Variants in RCSD1 observed in about 807,000 individuals in gnomAD.
RCSD1 encodes the protein RCSD domain containing 1.
RCSD1 carries 26 observed loss-of-function variants against 42.5 expected under a neutral mutation model. That is an observed-to-expected ratio of 0.61 (90% CI 0.45 to 0.85). The LOEUF (loss-of-function observed/expected upper bound fraction) is 0.85. RCSD1 is among the 40% of genes least tolerant of loss of function. The pLI is 0.00. For missense variants in RCSD1, 571 were observed against 528.3 expected (o/e 1.08, Z -0.79); for synonymous variants, 220 against 212.2 (o/e 1.04, Z -0.32).
intron 1 of RCSD1, among the ~76,000 whole-genome samples, chr1:167,632,695 GTA>G (rs371787577): frequency 0.76 from 115,192 of 151,282 alleles, 44,260 homozygotes; most frequent in East Asian, 0.83. Context: ...CTCACATCCA[GTA>G]GGTCACTAAG....
At chr1:167,660,346 C>A (rs1321716065) in intron 1 of RCSD1, among the ~76,000 whole-genome samples, 2 of 152,176 alleles carry the variant, frequency 1.3e-5, no homozygotes, top group Non-Finnish European at 2.9e-5. Flanking sequence ...CCCATCCTTA[C>A]CCCATCACTT....
At position 167,650,390 on chromosome 1, in the gene RCSD1, G is replaced by A. The variant is rs987645244; in HGVS notation, c.6+19961G>A. On this transcript the variant is annotated intron_variant, in intron 1 of 6. Transcript: ENST00000367854. ...CCTCCTCTTCTTGTGGCTTCCCTTT[G>A]AAGCTCTGAGCAGCTGTTACAGATG... Among the ~76,000 whole-genome samples the A allele has an allele frequency of 5.9e-5, 9 of 152,144 alleles. No homozygotes were observed. The East Asian group carries it at 1.7e-3, about 29-fold the overall frequency.
chr1:167,698,802 TTTTTGTTTTTG>T (rs1325210423), intron 6 of RCSD1, among the ~76,000 whole-genome samples: 1 of 148,916 alleles, frequency 6.7e-6, no homozygotes, highest in African/African-American at 2.5e-5. Context: ...TTTGTTTTTG[TTTTTGTTTTTG>T]TTTTGAGAAG....
chr1:167,700,399 A>T (rs1393583281), intron 6 of RCSD1, among the ~76,000 whole-genome samples: 1 of 152,178 alleles, frequency 6.6e-6, no homozygotes, highest in Non-Finnish European at 1.5e-5. Context: ...CTGTAATCCC[A>T]GCACTTTGGG....
At position 167,707,845 on chromosome 1, in the gene RCSD1, C is replaced by T. The variant is rs993473146; in HGVS notation, c.*3149C>T. ...TAATAGCTCGGATTACAAGTATGCA[C>T]CACCATGCCCAGCTAATTTTTGTAT... On this transcript the variant is annotated 3_prime_UTR_variant, in exon 7 of 7. Transcript: ENST00000367854. 3.3e-5 allele frequency among the ~76,000 whole-genome samples: 5 copies of T among 152,168 alleles called. No individual in the cohort carries two copies. The highest frequency in any genetic ancestry group is 4.8e-5 in the African/African-American group (2 of 41,444).
intron 1 of RCSD1, among the ~76,000 whole-genome samples, chr1:167,653,894 G>A (rs1329184090): frequency 1.3e-5 from 2 of 152,180 alleles, no homozygotes; most frequent in Admixed American, 6.5e-5. Flanking sequence ...AGGAAAATGC[G>A]TAATAGGTTC....
intron 1 of RCSD1, among the ~76,000 whole-genome samples, chr1:167,672,960 C>T (rs373270711): frequency 5.9e-5 from 9 of 152,208 alleles, no homozygotes; most frequent in Admixed American, 3.9e-4. Context: ...ACAACTATCC[C>T]GTGATAGTTG....
intron 1 of RCSD1, chr1:167,640,450 G>A (rs1657977834): frequency 6.6e-6 from 1 of 152,238 alleles, no homozygotes; most frequent in Non-Finnish European, 1.5e-5. Flanking sequence ...TGATAATCCA[G>A]GATGATCTCT....
chr1:167,671,601 G>T (rs1413632387), intron 1 of RCSD1, among the ~76,000 whole-genome samples: 1 of 152,196 alleles, frequency 6.6e-6, no homozygotes, highest in Admixed American at 6.5e-5. Context: ...CAGCATAGTT[G>T]TCAACTTGCT....
rs569420038 is a variant in RCSD1, at chr1:167,669,758, C to G, written c.7-14142C>G. 5.2e-4 allele frequency among the ~76,000 whole-genome samples: 79 copies of G among 152,278 alleles called. 1 individual carries two copies. The highest frequency in any genetic ancestry group is 1.7e-3 in the African/African-American group (71 of 41,560). Reference sequence around the variant, plus strand: ...CCTCTCCTGTCTCCCTCCAGTACCCCCTCTTGAGGCTTGCAGGGGCAGGGA... The same window carrying G: ...CCTCTCCTGTCTCCCTCCAGTACCCGCTCTTGAGGCTTGCAGGGGCAGGGA... On this transcript the variant is annotated intron_variant, in intron 1 of 6. Transcript: ENST00000367854.
chr1:167,673,195 A>C (rs902872971), intron 1 of RCSD1, among the ~76,000 whole-genome samples: 2 of 152,214 alleles, frequency 1.3e-5, no homozygotes, highest in African/African-American at 4.8e-5. Flanking sequence ...AAGAAGAACA[A>C]AGAAGAGAGG....
chr1:167,633,105 T>C (rs1558068626), intron 1 of RCSD1, among the ~76,000 whole-genome samples: 1 of 152,256 alleles, frequency 6.6e-6, no homozygotes, highest in East Asian at 1.9e-4. Flanking sequence ...AGCTCACGTA[T>C]TATTGGAAGT....
intron 1 of RCSD1, among the ~76,000 whole-genome samples, chr1:167,636,390 C>G (rs1389298083): frequency 1.3e-5 from 2 of 152,214 alleles, no homozygotes; most frequent in African/African-American, 4.8e-5. Context: ...GACATTGGAA[C>G]AGACATTATC....
At chr1:167,697,016 A>G (rs1480696456) in intron 5 of RCSD1, 83 bp from the exon 6 acceptor site, 2 of 1,291,024 alleles carry the variant, frequency 1.5e-6, no homozygotes, top group Non-Finnish European at 2.1e-6. Context: ...AGTGCACCAG[A>G]CTGACATTGA....
At chr1:167,702,024 G>T (rs1010886606) in intron 6 of RCSD1, among the ~76,000 whole-genome samples, 23 of 152,142 alleles carry the variant, frequency 1.5e-4, no homozygotes, top group Admixed American at 1.3e-4. Flanking sequence ...GAAATAGATT[G>T]ATCAGACAAA....
chr1:167,698,869 G>A (rs1258154887), intron 6 of RCSD1, among the ~76,000 whole-genome samples: 2 of 150,464 alleles, frequency 1.3e-5, no homozygotes, highest in Admixed American at 6.6e-5. Flanking sequence ...GCGGGATCTC[G>A]GCTCACTGCA....
At chr1:167,684,889 C>T (rs1385353111) in intron 2 of RCSD1, among the ~76,000 whole-genome samples, 1 of 152,046 alleles carries the variant, frequency 6.6e-6, no homozygotes, top group Non-Finnish European at 1.5e-5. Context: ...TAAATAAATA[C>T]AAACAAGTGA....
intron 2 of RCSD1, 27 bp downstream of exon 2, chr1:167,684,028 T>TGA: frequency 6.3e-7 from 1 of 1,576,618 alleles, no homozygotes; most frequent in Non-Finnish European, 8.7e-7. Flanking sequence ...CAGAGCAGCC[T>TGA]CTTCAGCAGC....
At position 167,694,271 on chromosome 1, in the gene RCSD1, C is replaced by A. The variant is rs754896512; in HGVS notation, c.443C>A (p.Pro148His). Residue 148 changes from proline to histidine, a missense_variant, in exon 5 of 7, where the codon CCT becomes CAT. Coordinates refer to ENST00000367854, the MANE Select transcript of RCSD1 (RefSeq NM_052862.4). ...GTGCCTGTCAGCTTCGACCAGCCCC[C>A]TGAAGGCAGTCATCTGCCCTGTTAC... is the stretch of plus-strand genomic sequence containing the variant. ...EEVPVSFDQPPEGSHLPCYNK... is the reference protein window; with the variant it reads ...EEVPVSFDQPHEGSHLPCYNK... 1.9e-6 allele frequency: 3 copies of A among 1,614,178 alleles called. No homozygotes were observed. The highest frequency in any genetic ancestry group is 1.1e-5 in the South Asian group (1 of 91,090).
Sources: allele counts gnomAD v4.1 joint callset (sites outside exome capture counted in the v4.1 genomes callset), GRCh38; gene constraint gnomAD v4.1.1; transcripts MANE v1.5; gene names NCBI Gene and HGNC (gene_info 2026-07-23, HGNC 2026-07-21).